The following RABGEF1 variants were observed in gnomAD, a reference collection of about 807,000 sequenced individuals.
RABGEF1 encodes the protein RAB guanine nucleotide exchange factor 1.
RABGEF1 carries 26 observed loss-of-function variants against 57.3 expected under a neutral mutation model. That is an observed-to-expected ratio of 0.45 (90% CI 0.33 to 0.63). The LOEUF is 0.63. Ranked by LOEUF, RABGEF1 falls within the 20% of genes least tolerant of loss-of-function variation. RABGEF1 has a pLI of 0.02. For missense variants in RABGEF1, 464 were observed against 607.6 expected, an observed-to-expected ratio of 0.76 and a Z score of 2.48; for synonymous variants, 185 against 210.7, an observed-to-expected ratio of 0.88 and a Z score of 1.06.
At chr7:66,738,025 T>C (rs12671176), upstream of RABGEF1, among the ~76,000 whole-genome samples, 1 of 129,178 alleles carries the variant, frequency 7.7e-6, no homozygotes, top group Non-Finnish European at 1.7e-5. Flanking sequence ...TTTTTTTTGT[T>C]TTTTTTTTTT....
At chr7:66,760,415 T>C (rs1803991863) in intron 1 of RABGEF1, among the ~76,000 whole-genome samples, 1 of 152,106 alleles carries the variant, frequency 6.6e-6, no homozygotes, top group Admixed American at 6.6e-5. Context: ...AGATGTTTAT[T>C]TTCCCTTGTA....
At chr7:66,710,775 A>G (rs1395430202) in intron 1 of RABGEF1, among the ~76,000 whole-genome samples, 1 of 152,196 alleles carries the variant, frequency 6.6e-6, no homozygotes, top group East Asian at 1.9e-4. Context: ...ATTAGATACA[A>G]GTCTTTTGTT....
chr7:66,779,202 T>C (rs1286611554), intron 3 of RABGEF1, among the ~76,000 whole-genome samples: 2 of 151,822 alleles, frequency 1.3e-5, no homozygotes, highest in African/African-American at 4.8e-5. Flanking sequence ...CGTGTGTTAA[T>C]TTAGTAAAAT....
intron 4 of RABGEF1, among the ~76,000 whole-genome samples, chr7:66,788,114 C>G (rs1181549258): frequency 2.0e-5 from 3 of 152,156 alleles, no homozygotes; most frequent in Non-Finnish European, 4.4e-5. Context: ...CCTCAAAGTA[C>G]CTACCCTTTA....
At chr7:66,690,018 A>G (rs773425435) in intron 1 of RABGEF1, among the ~76,000 whole-genome samples, 2 of 152,020 alleles carry the variant, frequency 1.3e-5, no homozygotes, top group African/African-American at 2.4e-5. Flanking sequence ...TGAGGCCAGC[A>G]TTGCATTGAT....
intron 4 of RABGEF1, among the ~76,000 whole-genome samples, chr7:66,789,109 C>A (rs947548564): frequency 6.6e-6 from 1 of 152,168 alleles, no homozygotes; most frequent in Non-Finnish European, 1.5e-5. Context: ...AGATAAGTGT[C>A]CTCCTATACC....
intron 2 of RABGEF1, among the ~76,000 whole-genome samples, chr7:66,714,854 G>A (rs1433515145): frequency 1.3e-5 from 2 of 152,212 alleles, no homozygotes; most frequent in Non-Finnish European, 2.9e-5. Flanking sequence ...AGAATGGTGT[G>A]AACCCGGGAG....
intron 1 of RABGEF1, among the ~76,000 whole-genome samples, chr7:66,705,876 ATTTTTTTTTTTTT>A (rs201838145): frequency 2.0e-4 from 9 of 45,172 alleles, no homozygotes; most frequent in South Asian, 2.1e-3. Context: ...CACCCAGCTA[ATTTTTTTTTTTTT>A]TTTTTTTTTT....
At position 66,691,861 on chromosome 7, in the gene RABGEF1, C is replaced by T. The variant is rs1432354426; in HGVS notation, c.-873+9603C>T. Among the ~76,000 whole-genome samples, 3 of 151,820 alleles carry T rather than the reference C, an allele frequency of 2.0e-5. No individual in the cohort carries two copies. In the East Asian group the frequency reaches 5.8e-4, roughly 29 times the overall value. On this transcript the variant is annotated intron_variant and NMD_transcript_variant, in intron 1 of 9. Transcript: ENST00000607882. ...TTGAGCCCAGGAGATCAAGACCAGC[C>T]TGAGCAATGTAGCAAGATCCCATTT...
chr7:66,706,909 G>A (rs1794184882), intron 1 of RABGEF1, among the ~76,000 whole-genome samples: 1 of 150,440 alleles, frequency 6.6e-6, no homozygotes, highest in Non-Finnish European at 1.5e-5. Context: ...AGCCTCCCGA[G>A]TAGCTGGGAC....
chr7:66,807,637 ATGTT>A (rs1788732785), intron 8 of RABGEF1, among the ~76,000 whole-genome samples: 1 of 152,072 alleles, frequency 6.6e-6, no homozygotes, highest in African/African-American at 2.4e-5. Flanking sequence ...TCCCCTTCAG[ATGTT>A]TGTTTCTTTT....
chr7:66,686,932 C>T lies in RABGEF1; in HGVS notation c.-873+4674C>T, dbSNP rs561604700. 3.3e-5 allele frequency among the ~76,000 whole-genome samples: 5 copies of T among 151,832 alleles called. No individual in the cohort carries two copies. The East Asian group carries it at 7.8e-4, about 24-fold the overall frequency. On this transcript the variant is annotated intron_variant and NMD_transcript_variant, in intron 1 of 9. Transcript: ENST00000607882. ...CGCCTCCCGGGTTCAAGCCATTCTCCTGCCTCAGCCTCCCGAGTAGCTGGG... is the reference window on the plus strand; with the variant it reads ...CGCCTCCCGGGTTCAAGCCATTCTCTTGCCTCAGCCTCCCGAGTAGCTGGG...
chr7:66,750,407 C>T (rs1432762630), intron 1 of RABGEF1, among the ~76,000 whole-genome samples: 1 of 152,078 alleles, frequency 6.6e-6, no homozygotes, highest in Non-Finnish European at 1.5e-5. Context: ...TAAATACCAG[C>T]TATGTTGAGT....
At chr7:66,802,317 C>A (rs1787477827) in intron 7 of RABGEF1, among the ~76,000 whole-genome samples, 1 of 152,216 alleles carries the variant, frequency 6.6e-6, no homozygotes, top group African/African-American at 2.4e-5. Flanking sequence ...AATTATTCAA[C>A]CCCAAATGTC....
At chr7:66,688,164 C>G (rs1442657409) in intron 1 of RABGEF1, among the ~76,000 whole-genome samples, 3 of 147,514 alleles carry the variant, frequency 2.0e-5, no homozygotes, top group Admixed American at 1.4e-4. Flanking sequence ...TTTAAGCCAA[C>G]AATGGTTATG....
At chr7:66,755,475 C>CAAGAA (rs932123382) in intron 1 of RABGEF1, among the ~76,000 whole-genome samples, 52 of 151,002 alleles carry the variant, frequency 3.4e-4, no homozygotes, top group South Asian at 6.3e-4. Context: ...GATCCTATGT[C>CAAGAA]AAGAAAAGAA....
chr7:66,655,251 C>G, the RABGEF1 span, among the ~76,000 whole-genome samples: 40 of 152,262 alleles, frequency 2.6e-4, no homozygotes, highest in Middle Eastern at 3.4e-3. Flanking sequence ...TCCCTACTTC[C>G]GAACCGTCTG....
chr7:66,753,701 GTTTTT>G (rs1224800315), intron 1 of RABGEF1, among the ~76,000 whole-genome samples: 67 of 78,776 alleles, frequency 8.5e-4, no homozygotes, highest in Admixed American at 6.2e-3. Flanking sequence ...TTTTGCCATC[GTTTTT>G]TTTTTTTTTT....
chr7:66,801,664 C>T (rs1216977288), intron 7 of RABGEF1, among the ~76,000 whole-genome samples: 3 of 152,180 alleles, frequency 2.0e-5, no homozygotes, highest in Non-Finnish European at 2.9e-5. Context: ...GCTTATTTCA[C>T]TTAACATAAT....
Sources: allele counts gnomAD v4.1 joint callset (sites outside exome capture counted in the v4.1 genomes callset), GRCh38; gene constraint gnomAD v4.1.1; transcripts MANE v1.5; gene names NCBI Gene and HGNC (gene_info 2026-07-23, HGNC 2026-07-21).